Variants in PPP3CA observed in about 807,000 individuals in gnomAD.
PPP3CA encodes CAM-PRP catalytic subunit.
Under a neutral mutation model 66.5 loss-of-function variants are expected in PPP3CA, and 14 were observed. The ratio of observed to expected loss-of-function variants is 0.21; its 90% confidence interval spans 0.14 to 0.33. The LOEUF is 0.33. Ranked by LOEUF, PPP3CA falls within the 10% of genes least tolerant of loss-of-function variation. The pLI is 1.00. For synonymous variants in PPP3CA, 232 were observed against 226.2 expected (o/e 1.03, Z -0.23); for missense variants, 317 against 639.5 (o/e 0.50, Z 5.44).
chr4:101,320,982 T>C (rs1729025156), intron 1 of PPP3CA, among the ~76,000 whole-genome samples: 1 of 152,186 alleles, frequency 6.6e-6, no homozygotes, highest in Non-Finnish European at 1.5e-5. Context: ...GAGGAAAGCA[T>C]CACAGAGAGG....
chr4:101,130,135 G>A (rs189509082), intron 2 of PPP3CA, among the ~76,000 whole-genome samples: 172 of 151,794 alleles, frequency 1.1e-3, no homozygotes, highest in African/African-American at 3.8e-3. Flanking sequence ...TTGACCAAGC[G>A]GAAGAAAGGA....
At chr4:101,172,322 C>T (rs1040329435) in intron 2 of PPP3CA, among the ~76,000 whole-genome samples, 5 of 152,156 alleles carry the variant, frequency 3.3e-5, no homozygotes, top group Admixed American at 2.6e-4. Context: ...ACATTACTGG[C>T]TTCAGCTATT....
chr4:101,226,319 C>T (rs1360645738), intron 1 of PPP3CA, among the ~76,000 whole-genome samples: 1 of 151,620 alleles, frequency 6.6e-6, no homozygotes, highest in African/African-American at 2.4e-5. Context: ...CAGCACCTGG[C>T]AAAATTTCCT....
intron 2 of PPP3CA, among the ~76,000 whole-genome samples, chr4:101,126,840 T>C (rs1229233011): frequency 6.6e-6 from 1 of 152,168 alleles, no homozygotes; most frequent in Non-Finnish European, 1.5e-5. Flanking sequence ...GCCAGGCAAC[T>C]ACAATCTACA....
At position 101,026,025 on chromosome 4, in the gene PPP3CA, C is replaced by G. The variant is rs1160055643; in HGVS notation, c.1406G>C (p.Ser469Thr). 5 of 1,608,446 alleles carry G rather than the reference C, an allele frequency of 3.1e-6. No homozygotes were observed. Among genetic ancestry groups the G allele is most frequent in the Non-Finnish European group, 4.2e-6 (5 of 1,178,414 alleles). Reference protein sequence around the residue: ...KGFSPQHKITSFEEAKGLDRI... With the variant: ...KGFSPQHKITTFEEAKGLDRI... ...GTCTAAGCCCTTGGCTTCCTCGAAG[C>G]TAGTGATCTTATGTTGTGGTGAAAA... The change falls in exon 14 of 14, where the codon AGC becomes ACC. Residue 469 changes from serine to threonine, a missense_variant. This residue lies in a region of PPP3CA where 201 missense variants were observed against 501.4 expected (regional missense o/e 0.40). Transcript: ENST00000394854.
chr4:101,065,102 C>G (rs1200742022), intron 8 of PPP3CA, among the ~76,000 whole-genome samples: 1 of 151,888 alleles, frequency 6.6e-6, no homozygotes, highest in Non-Finnish European at 1.5e-5. Flanking sequence ...TTCTGTAAAC[C>G]CATTCCCTTT....
At chr4:101,141,344 T>C (rs1722802079) in intron 2 of PPP3CA, among the ~76,000 whole-genome samples, 1 of 152,066 alleles carries the variant, frequency 6.6e-6, no homozygotes, top group South Asian at 2.1e-4. Context: ...CATGCCAACT[T>C]GGGCAAAAGA....
chr4:101,174,074 A>C (rs192149767), intron 2 of PPP3CA, among the ~76,000 whole-genome samples: 1 of 151,750 alleles, frequency 6.6e-6, no homozygotes, highest in Admixed American at 6.6e-5. Flanking sequence ...CAAACAAACA[A>C]ACACAAAAAC....
At chr4:101,027,255 TG>T (rs1243393497) in intron 13 of PPP3CA, among the ~76,000 whole-genome samples, 4 of 139,074 alleles carry the variant, frequency 2.9e-5, no homozygotes, top group South Asian at 2.6e-4. Context: ...CAACCTTATT[TG>T]GGGGGGAAAA....
chr4:101,307,168 CAAAA>C (rs1331785893), intron 1 of PPP3CA, among the ~76,000 whole-genome samples: 1 of 77,316 alleles, frequency 1.3e-5, no homozygotes. Context: ...CACTTTGAAC[CAAAA>C]AAAAAAAAAA....
intron 1 of PPP3CA, among the ~76,000 whole-genome samples, chr4:101,214,252 C>T: frequency 6.6e-6 from 1 of 151,042 alleles, no homozygotes; most frequent in Non-Finnish European, 1.5e-5. Flanking sequence ...CAGGACTGGA[C>T]AGTTGGGTAA....
intron 2 of PPP3CA, among the ~76,000 whole-genome samples, chr4:101,170,380 G>A (rs1288958888): frequency 1.3e-5 from 2 of 152,062 alleles, no homozygotes; most frequent in Non-Finnish European, 2.9e-5. Flanking sequence ...GGACCCTCAA[G>A]GCTATAATTT....
intron 1 of PPP3CA, among the ~76,000 whole-genome samples, chr4:101,286,395 C>T (rs370840840): frequency 3.9e-5 from 6 of 152,110 alleles, no homozygotes; most frequent in East Asian, 1.9e-4. Flanking sequence ...TTGAGACACC[C>T]GACTCCTTTA....
At chr4:101,221,656 A>C (rs906116807) in intron 1 of PPP3CA, among the ~76,000 whole-genome samples, 3 of 151,604 alleles carry the variant, frequency 2.0e-5, no homozygotes, top group African/African-American at 7.2e-5. Context: ...TAAAAAATTC[A>C]AGTCCAACAC....
intron 10 of PPP3CA, among the ~76,000 whole-genome samples, chr4:101,043,425 A>G (rs1433641971): frequency 6.6e-6 from 1 of 152,122 alleles, no homozygotes; most frequent in Non-Finnish European, 1.5e-5. Flanking sequence ...TCTCACAGTG[A>G]GTATACTATT....
Position 101,299,110 on chromosome 4 carries a change from T to TTTG in PPP3CA, c.58+47628_58+47629insCAA, listed in dbSNP as rs1483155312. ...CAATATCAAGTGCCATATATCGTTTTTTTTTTTTTTTTTTTTTTTTTTGGT... is the reference window on the plus strand; with the variant it reads ...CAATATCAAGTGCCATATATCGTTTTTTGTTTTTTTTTTTTTTTTTTTTTTGGT... On this transcript the variant is annotated intron_variant, in intron 1 of 13. Transcript: ENST00000394854. 2.8e-4 allele frequency among the ~76,000 whole-genome samples: 25 copies of TTTG among 88,460 alleles called. No individual in the cohort carries two copies. The East Asian group carries it at 3.0e-3, about 10-fold the overall frequency. The allele number at this position is 88,460 out of a possible 152,430, so 58.0% of individuals were successfully genotyped here. A position where few individuals can be genotyped will look rare whatever the true frequency, so the allele number is the denominator to read the frequency against.
chr4:101,324,562 C>T (rs13125755), intron 1 of PPP3CA, among the ~76,000 whole-genome samples: 1 of 152,070 alleles, frequency 6.6e-6, no homozygotes. Flanking sequence ...AATTAAAATA[C>T]TTAGAATCCT....
Position 101,024,002 on chromosome 4 carries a change from C to T in PPP3CA, c.*1863G>A, listed in dbSNP as rs968150073. 3.3e-5 allele frequency: 5 copies of T among 152,386 alleles called. No individual in the cohort carries two copies. Among genetic ancestry groups the T allele is most frequent in the Admixed American group, 3.3e-4 (5 of 15,274 alleles). The allele number at this position is 152,386 out of a possible 1,614,324, so 9.4% of individuals were successfully genotyped here. ...TTGCTTTAGCAGATAGATAGGGCAT[C>T]CAATACAACTGAAACAACCTGATAA... is the stretch of plus-strand genomic sequence containing the variant. On this transcript the variant is annotated 3_prime_UTR_variant, in exon 14 of 14. Coordinates refer to ENST00000394854, the MANE Select transcript of PPP3CA (RefSeq NM_000944.5).
rs1374012020 is a variant in PPP3CA at position 101,178,820 on chromosome 4, T to C, written c.259+17096A>G. On this transcript the variant is annotated intron_variant, in intron 2 of 13. Transcript: ENST00000394854. ...GTAAGTGTTCTTCACACAGCCCTCA[T>C]ATTAATGGAAGTGTTACTATTGCCC... Among the ~76,000 whole-genome samples, 3 of 152,072 alleles carry C rather than the reference T, an allele frequency of 2.0e-5. No individual in the cohort carries two copies. The East Asian group carries it at 5.8e-4, about 29-fold the overall frequency.
Sources: gnomAD v4.1 joint callset for allele counts (sites outside exome capture counted in the v4.1 genomes callset) on GRCh38, gnomAD v4.1.1 for gene constraint, gnomAD v4.1.1 regional missense constraint, MANE v1.5 for transcripts, NCBI Gene and HGNC (gene_info 2026-07-23, HGNC 2026-07-21) for gene names.